Variants in PDZRN4 observed in about 807,000 individuals in gnomAD.
The protein encoded by PDZRN4 is PDZ domain-containing RING finger protein 4.
A neutral mutation model predicts 99.0 loss-of-function variants in PDZRN4; 70 were observed. The ratio of observed to expected loss-of-function variants is 0.71; its 90% CI spans 0.58 to 0.86. The LOEUF (loss-of-function observed/expected upper bound fraction) is 0.86, where lower values mean the gene tolerates loss of function less well. Ranked by LOEUF, PDZRN4 falls within the 40% of genes least tolerant of loss-of-function variation. The probability of loss-of-function intolerance (pLI) is 0.00; values close to 1 mark genes in which losing one functional copy is unlikely to be tolerated. For missense variants in PDZRN4, 1,474 were observed against 1,331.2 expected, an observed-to-expected ratio of 1.11 and a Z score of -1.67; for synonymous variants, 551 against 501.6, an observed-to-expected ratio of 1.10 and a Z score of -1.32.
rs200019249 is a variant in PDZRN4 at position 41,278,066 on chromosome 12, G to A, written c.843+83878G>A. Among the ~76,000 whole-genome samples, 3 of 152,148 alleles carry A rather than the reference G, an allele frequency of 2.0e-5. No homozygotes were observed. In the East Asian group the frequency reaches 5.8e-4, roughly 29 times the overall value. On this transcript the variant is annotated intron_variant, in intron 3 of 9. Transcript: ENST00000402685. ...AGCTATAAGTCAACACAGACTTTTG[G>A]CACTCAATATGTTTGCATGGACACT...
chr12:41,516,701 C>T (rs1339601572), intron 5 of PDZRN4, among the ~76,000 whole-genome samples: 2 of 151,404 alleles, frequency 1.3e-5, no homozygotes, highest in South Asian at 2.1e-4. Context: ...GGGTTCTGGT[C>T]TGTTAGGGTA....
At chr12:41,552,513 TAAA>T (rs11301675) in intron 5 of PDZRN4, 140 bp from the exon 6 acceptor site, 20 of 402,694 alleles carry the variant, frequency 5.0e-5, no homozygotes, top group Middle Eastern at 6.8e-4. Flanking sequence ...ATAATATTGG[TAAA>T]AAAAAAAAAG....
chr12:41,228,225 A>G (rs1951008067), intron 3 of PDZRN4, among the ~76,000 whole-genome samples: 1 of 152,166 alleles, frequency 6.6e-6, no homozygotes, highest in South Asian at 2.1e-4. Flanking sequence ...TGTTTCTCCA[A>G]TCACTTGAAC....
intron 7 of PDZRN4, among the ~76,000 whole-genome samples, chr12:41,559,281 A>G (rs1247103961): frequency 6.6e-6 from 1 of 152,152 alleles, no homozygotes; most frequent in Non-Finnish European, 1.5e-5. Flanking sequence ...CTTCCTGAGA[A>G]TAGTTGTGGT....
intron 9 of PDZRN4, 88 bp downstream of exon 9, chr12:41,567,987 C>A: frequency 6.6e-6 from 5 of 760,830 alleles, no homozygotes; most frequent in South Asian, 5.6e-5. Context: ...AAAACAAAAT[C>A]AAAGGGTTTA....
chr12:41,477,845 A>G (rs1937618820), intron 3 of PDZRN4: 2 of 1,496,866 alleles, frequency 1.3e-6, no homozygotes, highest in South Asian at 1.2e-5. Flanking sequence ...TTATCTTTGG[A>G]TTTTTCTTGC....
At position 41,250,253 on chromosome 12, in the gene PDZRN4, A is replaced by T. The variant is rs894070743; in HGVS notation, c.843+56065A>T. On this transcript the variant is annotated intron_variant, in intron 3 of 9. Transcript: ENST00000402685. ...AAGCGAACAACTAATTTTCAGAAAAAGTTCTGTGTTACAAGAAAAACAGTT... is the reference window on the plus strand; with the variant it reads ...AAGCGAACAACTAATTTTCAGAAAATGTTCTGTGTTACAAGAAAAACAGTT... Among the ~76,000 whole-genome samples the T allele has an allele frequency of 2.6e-5, 4 of 152,180 alleles. No homozygotes were observed. In the East Asian group the frequency reaches 5.8e-4, roughly 22 times the overall value.
At chr12:41,458,377 G>A (rs1328038893) in intron 3 of PDZRN4, among the ~76,000 whole-genome samples, 2 of 152,124 alleles carry the variant, frequency 1.3e-5, no homozygotes, top group Non-Finnish European at 1.5e-5. Flanking sequence ...GGCTGGTCTT[G>A]AACTACTGAC....
At chr12:41,201,089 A>G (rs1950813119) in intron 3 of PDZRN4, among the ~76,000 whole-genome samples, 2 of 150,990 alleles carry the variant, frequency 1.3e-5, no homozygotes, top group South Asian at 4.2e-4. Flanking sequence ...TTGGCATTAT[A>G]TTTTCAATTG....
intron 3 of PDZRN4, among the ~76,000 whole-genome samples, chr12:41,502,757 A>G (rs527652399): frequency 1.7e-4 from 26 of 152,264 alleles, no homozygotes; most frequent in African/African-American, 6.0e-4. Context: ...GATTGAGACA[A>G]AGGAGTAAGA....
chr12:41,450,692 CG>C (rs1281509473), intron 3 of PDZRN4, among the ~76,000 whole-genome samples: 15 of 152,076 alleles, frequency 9.9e-5, no homozygotes, highest in Non-Finnish European at 1.9e-4. Flanking sequence ...GGAGCTGAGG[CG>C]GGGGGATCAC....
rs115877565 is a variant in PDZRN4, at chr12:41,495,380, C to T, written c.844-11076C>T. 9.3e-3 allele frequency among the ~76,000 whole-genome samples: 1,412 copies of T among 152,144 alleles called. 26 individuals carry two copies. Among genetic ancestry groups the T allele is most frequent in the African/African-American group, 0.031 (1,305 of 41,526 alleles). On this transcript the variant is annotated intron_variant, in intron 3 of 9. Coordinates refer to ENST00000402685, the MANE Select transcript of PDZRN4 (RefSeq NM_001164595.2). ...AACCTCTTCAGCTTGTATTTCTGCA[C>T]GGTGTGGATTAATTGATGGGAATAG...
At position 41,225,438 on chromosome 12, in the gene PDZRN4, T is replaced by TC. The variant is rs552256646; in HGVS notation, c.843+31250_843+31251insC. On this transcript the variant is annotated intron_variant, in intron 3 of 9. Transcript: ENST00000402685. ...AATTCACTTTATATTACACTGTGTT[T>TC]TTTTTTTCTGATGTCATCTGTCACC... Among the ~76,000 whole-genome samples the TC allele has an allele frequency of 2.4e-3, 372 of 151,846 alleles. 3 individuals are homozygous for TC. Among genetic ancestry groups the TC allele is most frequent in the African/African-American group, 8.8e-3 (365 of 41,486 alleles).
chr12:41,499,134 C>G (rs113347678), intron 3 of PDZRN4, among the ~76,000 whole-genome samples: 1,774 of 152,108 alleles, frequency 0.012, 28 homozygotes, highest in African/African-American at 0.041. Flanking sequence ...GGATTGTGAG[C>G]AGAGCCAAGC....
chr12:41,520,599 A>G (rs1178614756), intron 5 of PDZRN4, among the ~76,000 whole-genome samples: 2 of 149,834 alleles, frequency 1.3e-5, no homozygotes, highest in African/African-American at 5.0e-5. Flanking sequence ...TTACTTTTCC[A>G]GTAAACATGC....
intron 3 of PDZRN4, among the ~76,000 whole-genome samples, chr12:41,313,795 AGTC>A (rs1951622094): frequency 6.6e-6 from 1 of 152,192 alleles, no homozygotes; most frequent in Admixed American, 6.5e-5. Flanking sequence ...CCAGGTACAA[AGTC>A]ATCATTTAGT....
chr12:41,527,533 T>C (rs1004789329), intron 5 of PDZRN4, among the ~76,000 whole-genome samples: 3 of 152,062 alleles, frequency 2.0e-5, no homozygotes, highest in African/African-American at 7.2e-5. Flanking sequence ...AACTAGAACG[T>C]TGAGAATAGA....
At chr12:41,322,005 G>A (rs1951681259) in intron 3 of PDZRN4, among the ~76,000 whole-genome samples, 1 of 151,908 alleles carries the variant, frequency 6.6e-6, no homozygotes, top group Admixed American at 6.6e-5. Context: ...CTCTGGGCTG[G>A]TGCACCAATG....
intron 3 of PDZRN4, among the ~76,000 whole-genome samples, chr12:41,210,882 C>T (rs1384505865): frequency 6.6e-6 from 1 of 151,816 alleles, no homozygotes; most frequent in Admixed American, 6.6e-5. Flanking sequence ...CCAAAAGACA[C>T]TAAAGTCCAA....
Sources: gnomAD v4.1 joint callset for allele counts (sites outside exome capture counted in the v4.1 genomes callset) on GRCh38, gnomAD v4.1.1 for gene constraint, MANE v1.5 for transcripts, NCBI Gene and HGNC (gene_info 2026-07-23, HGNC 2026-07-21) for gene names.